The following DPP6 variants were observed in gnomAD, a reference collection of about 807,000 sequenced individuals.
DPP6 encodes the protein dipeptidyl peptidase like 6.
A neutral mutation model predicts 122.6 loss-of-function variants in DPP6; 69 were observed. The ratio of observed to expected loss-of-function variants is 0.56; its 90% CI spans 0.46 to 0.69. The LOEUF is 0.69. Ranked by LOEUF, DPP6 falls within the 30% of genes least tolerant of loss-of-function variation. The pLI, the probability that DPP6 is intolerant of heterozygous loss-of-function variation, is 0.00. For missense variants in DPP6, 928 were observed against 1,116.9 expected (o/e 0.83, Z 2.41); for synonymous variants, 418 against 433.1 (o/e 0.97, Z 0.43).
In DPP6 at chr7:154,769,531, G is replaced by T. The variant is rs569059915; in HGVS notation, c.998G>T (p.Gly333Val). 6.2e-7 allele frequency: 1 copy of T among 1,612,512 alleles called. No homozygotes were observed. Among genetic ancestry groups the T allele is most frequent in the South Asian group, 1.1e-5 (1 of 90,888 alleles). Residue 333 changes from glycine to valine, a missense_variant, in exon 9 of 26, where the codon GGC (glycine) becomes GTC (valine). Coordinates refer to ENST00000377770, the MANE Select transcript of DPP6 (RefSeq NM_130797.4). ...VPIMELPTYT[G>V]SIYPTVKPYH... ...ATCATGGAGCTCCCAACTTACACCG[G>T]CTCCATCTACCCCACCGTGAAGCCC...
chr7:154,765,114 C>T (rs983054288), intron 8 of DPP6, among the ~76,000 whole-genome samples: 1 of 152,304 alleles, frequency 6.6e-6, no homozygotes, highest in Non-Finnish European at 1.5e-5. Flanking sequence ...ATTCGGCATT[C>T]GTCTTTCTGT....
intron 1 of DPP6, among the ~76,000 whole-genome samples, chr7:153,985,893 C>T (rs1796822050): frequency 6.6e-6 from 1 of 152,174 alleles, no homozygotes; most frequent in African/African-American, 2.4e-5. Flanking sequence ...CAAATCTATA[C>T]TTGGGCAACA....
intron 1 of DPP6, among the ~76,000 whole-genome samples, chr7:154,224,381 C>T (rs1800478283): frequency 6.7e-6 from 1 of 148,684 alleles, no homozygotes; most frequent in African/African-American, 2.6e-5. Context: ...AGGTGACCCA[C>T]TGATTTTGGG....
chr7:153,892,833 A>G (rs948135660), intron 1 of DPP6, among the ~76,000 whole-genome samples: 97 of 152,264 alleles, frequency 6.4e-4, no homozygotes, highest in Non-Finnish European at 5.9e-5. Flanking sequence ...AGTTGTCACC[A>G]TGTGTCCCAG....
At chr7:154,807,628 C>T (rs1398428484) in intron 16 of DPP6, among the ~76,000 whole-genome samples, 4 of 152,150 alleles carry the variant, frequency 2.6e-5, no homozygotes, top group Non-Finnish European at 2.9e-5. Flanking sequence ...TCGAGACCTG[C>T]CTGGCTAACA....
chr7:154,080,417 C>T (rs1222761776), intron 1 of DPP6, among the ~76,000 whole-genome samples: 16 of 152,198 alleles, frequency 1.1e-4, no homozygotes, highest in Admixed American at 1.0e-3. Flanking sequence ...ACTTTATTTA[C>T]TTCTCTTATG....
chr7:153,929,118 AC>A (rs933832702), intron 1 of DPP6, among the ~76,000 whole-genome samples: 1 of 152,072 alleles, frequency 6.6e-6, no homozygotes, highest in African/African-American at 2.4e-5. Context: ...GTTTGATGGG[AC>A]TGCCCTGTCT....
At chr7:154,757,989 G>A (rs961498464) in intron 8 of DPP6, among the ~76,000 whole-genome samples, 5 of 146,840 alleles carry the variant, frequency 3.4e-5, no homozygotes, top group African/African-American at 1.2e-4. Flanking sequence ...TCTCCCCGCC[G>A]CCCTCTCCCG....
chr7:154,155,979 G>A (rs1300123903), intron 1 of DPP6, among the ~76,000 whole-genome samples: 2 of 152,240 alleles, frequency 1.3e-5, no homozygotes, highest in East Asian at 3.9e-4. Context: ...GCCTGGCAGT[G>A]CCTTCCTTCA....
At chr7:153,863,547 A>G in the DPP6 span, among the ~76,000 whole-genome samples, 4,059 of 152,262 alleles carry the variant, frequency 0.027, 159 homozygotes, top group African/African-American at 0.092. Flanking sequence ...ATCCAGCCTG[A>G]GCAATTGGTT....
chr7:154,013,939 T>C (rs3864495), intron 1 of DPP6, among the ~76,000 whole-genome samples: 2,844 of 149,904 alleles, frequency 0.019, 66 homozygotes, highest in African/African-American at 0.057. Context: ...GGCCACCTCC[T>C]GCTCTTCTTT....
At chr7:154,610,100 C>G (rs937007) in intron 5 of DPP6, among the ~76,000 whole-genome samples, 1 of 151,942 alleles carries the variant, frequency 6.6e-6, no homozygotes, top group South Asian at 2.1e-4. Context: ...ACAAAATAGT[C>G]TCTGACCCCT....
chr7:153,995,759 T>C (rs970637545), intron 1 of DPP6, among the ~76,000 whole-genome samples: 3 of 152,056 alleles, frequency 2.0e-5, no homozygotes, highest in Non-Finnish European at 2.9e-5. Context: ...GAAAAGGTAA[T>C]TCTGAGAGGG....
At chr7:154,264,244 C>T (rs1484518531) in intron 1 of DPP6, among the ~76,000 whole-genome samples, 1 of 152,148 alleles carries the variant, frequency 6.6e-6, no homozygotes, top group Non-Finnish European at 1.5e-5. Flanking sequence ...TGTGAAAAGA[C>T]ATAGAATATT....
chr7:153,896,516 T>C (rs1799421442), intron 1 of DPP6, among the ~76,000 whole-genome samples: 1 of 152,154 alleles, frequency 6.6e-6, no homozygotes, highest in Non-Finnish European at 1.5e-5. Flanking sequence ...ACAATTTATC[T>C]TTAACAGGCT....
At chr7:153,928,156 C>T (rs1020329519) in intron 1 of DPP6, among the ~76,000 whole-genome samples, 1 of 151,616 alleles carries the variant, frequency 6.6e-6, no homozygotes, top group Non-Finnish European at 1.5e-5. Context: ...AGCTGGAAGT[C>T]CAAGATCAAG....
intron 11 of DPP6, among the ~76,000 whole-genome samples, chr7:154,795,013 T>G (rs2150433208): frequency 6.6e-6 from 1 of 152,186 alleles, no homozygotes; most frequent in South Asian, 2.1e-4. Context: ...AGCACAGTGA[T>G]TGTTTCTAAG....
In DPP6 at chr7:154,386,195, A is replaced by C. The variant is rs1431839213; in HGVS notation, c.244-60019A>C. 3.9e-5 allele frequency among the ~76,000 whole-genome samples: 6 copies of C among 152,284 alleles called. No homozygotes were observed. The East Asian group carries it at 9.7e-4, about 25-fold the overall frequency. On this transcript the variant is annotated intron_variant, in intron 1 of 25. Transcript: ENST00000377770. ...ATCGGTATTATGAGGTTTAATCTGT[A>C]TCCATGTAGGTTTTATCTTGTTGCA...
Position 154,032,663 on chromosome 7 carries a change from TTTATC to T in DPP6, c.51+144934_51+144938del, listed in dbSNP as rs553118646. 4.5e-3 allele frequency among the ~76,000 whole-genome samples: 683 copies of T among 152,246 alleles called. 6 individuals are homozygous for T. Among genetic ancestry groups the T allele is most frequent in the African/African-American group, 0.015 (641 of 41,546 alleles). ...GCATTTTCTTTGCAATCTGACATAT[TTTATC>T]TTATATATTTAAACAGAAGATTCTG... On this transcript the variant is annotated intron_variant, in intron 1 of 25. Transcript: ENST00000404039.
Sources: gnomAD v4.1 joint callset for allele counts (sites outside exome capture counted in the v4.1 genomes callset) on GRCh38, gnomAD v4.1.1 for gene constraint, MANE v1.5 for transcripts, NCBI Gene and HGNC (gene_info 2026-07-23, HGNC 2026-07-21) for gene names.